Variants in CNR2 observed in about 807,000 individuals in gnomAD.
CNR2 encodes the protein cannabinoid receptor 2, also known as cannabinoid receptor 2 (macrophage).
For synonymous variants in CNR2, 172 were observed against 182.2 expected, an observed-to-expected ratio of 0.94 and a Z score of 0.45; for missense variants, 379 against 439.9, an observed-to-expected ratio of 0.86 and a Z score of 1.24.
At chr1:23,896,747 A>G (rs988037754) in intron 1 of CNR2, among the ~76,000 whole-genome samples, 8 of 152,188 alleles carry the variant, frequency 5.3e-5, no homozygotes, top group African/African-American at 1.9e-4. Flanking sequence ...AGCACCTGCT[A>G]GCTTGCCGTC....
In CNR2 at chr1:23,874,529, GC is replaced by G; in HGVS notation, c.*5del. ...CTTGAGTTGTTTAAATTGGGAAGAG[GC>G]CTCATCAGCAATCAGAGAGGTCTAG... On this transcript the variant is annotated 3_prime_UTR_variant, in exon 2 of 2. Coordinates refer to ENST00000374472, the MANE Select transcript of CNR2 (RefSeq NM_001841.3). 3 of 1,607,968 alleles carry G rather than the reference GC, an allele frequency of 1.9e-6. No homozygotes were observed. Among genetic ancestry groups the G allele is most frequent in the East Asian group, 4.5e-5 (2 of 44,808 alleles).
intron 1 of CNR2, among the ~76,000 whole-genome samples, chr1:23,886,711 T>A (rs1303002104): frequency 1.3e-5 from 2 of 152,144 alleles, no homozygotes; most frequent in Non-Finnish European, 2.9e-5. Context: ...TCCAACGCCA[T>A]CATTTTGCCA....
At position 23,875,553 on chromosome 1, in the gene CNR2, A is replaced by T. The variant is rs1639860064; in HGVS notation, c.65T>A (p.Met22Lys). The change falls in exon 2 of 2, where the codon ATG becomes AAG. Residue 22 changes from methionine to lysine, a missense_variant. Physicochemically the swap from Met to Lys is moderately conservative, Grantham distance 95. Transcript: ENST00000374472. ...ACCACTCAGGATCATGTAATCCTTC[A>T]TAGGGTTGGAATCCAAGCCATCCTT... ...GSKDGLDSNP[M>K]KDYMILSGPQ... 6.2e-7 allele frequency: 1 copy of T among 1,613,816 alleles called. No homozygotes were observed. Among genetic ancestry groups the T allele is most frequent in the Non-Finnish European group, 8.5e-7 (1 of 1,179,812 alleles).
intron 1 of CNR2, among the ~76,000 whole-genome samples, chr1:23,880,351 A>G (rs918987326): frequency 4.0e-5 from 6 of 151,484 alleles, no homozygotes; most frequent in East Asian, 1.9e-4. Context: ...CTAAGTTTTC[A>G]TATTTTTAGT....
At chr1:23,876,696 G>A (rs1055464906) in intron 1 of CNR2, among the ~76,000 whole-genome samples, 2 of 151,894 alleles carry the variant, frequency 1.3e-5, no homozygotes, top group Admixed American at 6.6e-5. Flanking sequence ...TTAGCTGGGC[G>A]TGATGGCACG....
intron 1 of CNR2, among the ~76,000 whole-genome samples, chr1:23,905,255 A>G (rs1320616753): frequency 1.4e-5 from 2 of 147,390 alleles, no homozygotes; most frequent in African/African-American, 5.1e-5. Flanking sequence ...ATCTCGGCTC[A>G]CTGCAACCTC....
intron 1 of CNR2, among the ~76,000 whole-genome samples, chr1:23,900,500 A>G (rs1319068946): frequency 1.0e-5 from 1 of 99,648 alleles, no homozygotes; most frequent in Non-Finnish European, 1.9e-5. Context: ...CTCTTCCCTG[A>G]TCTCTTTTTT....
chr1:23,908,532 C>A (rs1302231753), intron 1 of CNR2, among the ~76,000 whole-genome samples: 1 of 152,190 alleles, frequency 6.6e-6, no homozygotes, highest in East Asian at 1.9e-4. Context: ...TCAAGACCTT[C>A]TAATGATGTG....
intron 1 of CNR2, among the ~76,000 whole-genome samples, chr1:23,887,469 C>T (rs543205238): frequency 6.9e-4 from 105 of 152,280 alleles, no homozygotes; most frequent in African/African-American, 2.5e-3. Flanking sequence ...TCATCTAGGC[C>T]TGGCATGGCC....
At chr1:23,878,301 G>T (rs751351076) in intron 1 of CNR2, among the ~76,000 whole-genome samples, 1 of 151,468 alleles carries the variant, frequency 6.6e-6, no homozygotes, top group African/African-American at 2.4e-5. Context: ...GGAGGCCAAG[G>T]CTTCAGTGAG....
intron 1 of CNR2, among the ~76,000 whole-genome samples, chr1:23,894,433 A>ATTG (rs1640242361): frequency 6.7e-6 from 1 of 149,672 alleles, no homozygotes; most frequent in African/African-American, 2.5e-5. Flanking sequence ...AAAAAAAAAA[A>ATTG]TTTTTTTAAT....
chr1:23,878,223 G>A (rs1639922385), intron 1 of CNR2, among the ~76,000 whole-genome samples: 1 of 151,934 alleles, frequency 6.6e-6, no homozygotes, highest in South Asian at 2.1e-4. Flanking sequence ...AAAATTAGCT[G>A]GATGGTGGTG....
intron 1 of CNR2, among the ~76,000 whole-genome samples, chr1:23,910,766 G>A (rs1438126296): frequency 1.3e-5 from 2 of 151,684 alleles, no homozygotes; most frequent in South Asian, 2.1e-4. Context: ...CTATGATAGC[G>A]TCATTTTTAG....
chr1:23,894,708 G>C (rs908065090), intron 1 of CNR2, among the ~76,000 whole-genome samples: 1 of 149,924 alleles, frequency 6.7e-6, no homozygotes. Context: ...AGAGGCTGCA[G>C]TGAGCCACGA....
At chr1:23,879,661 G>T (rs1639945236) in intron 1 of CNR2, among the ~76,000 whole-genome samples, 1 of 152,026 alleles carries the variant, frequency 6.6e-6, no homozygotes, top group Admixed American at 6.6e-5. Flanking sequence ...TGACAAAAAT[G>T]CAAGACAAGA....
chr1:23,900,071 G>A (rs1278357991), intron 1 of CNR2, among the ~76,000 whole-genome samples: 4 of 151,144 alleles, frequency 2.6e-5, no homozygotes, highest in African/African-American at 4.9e-5. Flanking sequence ...CTGCTCCTGC[G>A]ATCAGTGCTT....
chr1:23,890,050 A>G (rs1370412443), intron 1 of CNR2, among the ~76,000 whole-genome samples: 1 of 151,748 alleles, frequency 6.6e-6, no homozygotes. Flanking sequence ...CAGGTGGATT[A>G]TTTGAGCCCA....
rs57856234 is a variant in CNR2 at position 23,891,275 on chromosome 1, T to TTGTGTGTGTGTG, written c.-45-15625_-45-15614dup. 6.1e-3 allele frequency among the ~76,000 whole-genome samples: 912 copies of TTGTGTGTGTGTG among 150,416 alleles called. 7 individuals are homozygous for TTGTGTGTGTGTG. The highest frequency in any genetic ancestry group is 0.042 in the East Asian group (214 of 5,054). On this transcript the variant is annotated intron_variant, in intron 1 of 1. Coordinates refer to ENST00000374472, the MANE Select transcript of CNR2 (RefSeq NM_001841.3). ...CTGTGGGGTTTTTTGACCAAATCTT[T>TTGTGTGTGTGTG]TGTGTGTGTGTGTGTGTGTGTGTGT...
intron 1 of CNR2, among the ~76,000 whole-genome samples, chr1:23,910,694 GAAAAC>G (rs1225141932): frequency 8.8e-6 from 1 of 113,688 alleles, no homozygotes; most frequent in Non-Finnish European, 1.9e-5. Flanking sequence ...GAAAAGAAAA[GAAAAC>G]AAAACAAAAA....
Sources: allele counts gnomAD v4.1 joint callset (sites outside exome capture counted in the v4.1 genomes callset), GRCh38; gene constraint gnomAD v4.1.1; transcripts MANE v1.5; gene names NCBI Gene and HGNC (gene_info 2026-07-23, HGNC 2026-07-21).